PRKN: variants seen among roughly 807,000 people sequenced by gnomAD.
PRKN encodes parkin RBR E3 ubiquitin protein ligase, also known as E3 ubiquitin-protein ligase parkin.
A neutral mutation model predicts 59.5 loss-of-function variants in PRKN; 56 were observed. That is an observed-to-expected ratio of 0.94 (90% confidence interval 0.76 to 1.18). PRKN has a LOEUF of 1.18. Ranked by LOEUF, PRKN falls within the 50% of genes most tolerant of loss-of-function variation. The pLI is 0.00. For synonymous variants in PRKN, 250 were observed against 222.1 expected, an observed-to-expected ratio of 1.13 and a Z score of -1.12; for missense variants, 657 against 596.4, an observed-to-expected ratio of 1.10 and a Z score of -1.06.
At position 161,689,185 on chromosome 6, in the gene PRKN, TACACACACACACACACACACAC is replaced by T. The variant is rs34193135; in HGVS notation, c.871+96565_871+96586del. Among the ~76,000 whole-genome samples, 21 of 144,294 alleles carry T rather than the reference TACACACACACACACACACACAC, an allele frequency of 1.5e-4. 1 individual carries two copies. The highest frequency in any genetic ancestry group is 3.9e-4 in the African/African-American group (15 of 38,860). The allele number at this position is 144,294 out of a possible 152,430, so 94.7% of individuals were successfully genotyped here. A position where few individuals can be genotyped will look rare whatever the true frequency, so the allele number is the denominator to read the frequency against. Reference sequence around the variant, plus strand: ...TTGCATCAAAGAGAGAATTAAATTGTACACACACACACACACACACACACACACACACACACACACACACACA... The same window carrying T: ...TTGCATCAAAGAGAGAATTAAATTGTACACACACACACACACACACACACA... On this transcript the variant is annotated intron_variant, in intron 7 of 11. Coordinates refer to ENST00000366898, the MANE Select transcript of PRKN (RefSeq NM_004562.3).
At chr6:162,568,869 A>G (rs1307530184) in intron 1 of PRKN, 2 of 708,412 alleles carry the variant, frequency 2.8e-6, no homozygotes, top group Non-Finnish European at 5.2e-6. Flanking sequence ...CAATAAGTGT[A>G]CAGAGATGGA....
intron 2 of PRKN, among the ~76,000 whole-genome samples, chr6:162,388,826 C>T (rs1786993949): frequency 6.6e-6 from 1 of 152,092 alleles, no homozygotes; most frequent in Non-Finnish European, 1.5e-5. Flanking sequence ...ACAGAACAGA[C>T]TCAGCCCAAA....
chr6:161,438,420 G>A (rs1167078524), intron 9 of PRKN, among the ~76,000 whole-genome samples: 1 of 151,878 alleles, frequency 6.6e-6, no homozygotes, highest in Non-Finnish European at 1.5e-5. Flanking sequence ...GTTTCACCAT[G>A]TTGGCCAAGA....
chr6:161,739,891 A>G (rs972584347), intron 7 of PRKN, among the ~76,000 whole-genome samples: 1 of 152,062 alleles, frequency 6.6e-6, no homozygotes, highest in Non-Finnish European at 1.5e-5. Flanking sequence ...AGTAGCTGAG[A>G]TTACAGGTGC....
intron 7 of PRKN, among the ~76,000 whole-genome samples, chr6:161,693,558 G>T (rs1785892861): frequency 6.6e-6 from 1 of 152,066 alleles, no homozygotes; most frequent in African/African-American, 2.4e-5. Flanking sequence ...CCATAGCTCT[G>T]GGGTTCAAAA....
At chr6:162,155,255 C>T (rs1409907851) in intron 4 of PRKN, among the ~76,000 whole-genome samples, 1 of 152,150 alleles carries the variant, frequency 6.6e-6, no homozygotes, top group African/African-American at 2.4e-5. Flanking sequence ...AGTTCTTAGT[C>T]AGCACATATC....
intron 1 of PRKN, among the ~76,000 whole-genome samples, chr6:162,531,994 G>C (rs1778535038): frequency 6.6e-6 from 1 of 151,198 alleles, no homozygotes; most frequent in Admixed American, 6.6e-5. Context: ...TTTGGCCACA[G>C]TGTTGTAAAC....
chr6:161,539,072 G>A (rs1008107831), intron 9 of PRKN, among the ~76,000 whole-genome samples: 16 of 152,208 alleles, frequency 1.1e-4, no homozygotes, highest in African/African-American at 3.9e-4. Flanking sequence ...CCCCCAAGGG[G>A]CACTAGCTGA....
At chr6:162,580,265 T>C (rs967528277) in intron 1 of PRKN, among the ~76,000 whole-genome samples, 1 of 151,970 alleles carries the variant, frequency 6.6e-6, no homozygotes, top group Non-Finnish European at 1.5e-5. Flanking sequence ...TGCGGAACCC[T>C]ATCTCTACCA....
intron 4 of PRKN, among the ~76,000 whole-genome samples, chr6:162,157,965 G>C (rs1583122328): frequency 6.6e-6 from 1 of 151,902 alleles, no homozygotes; most frequent in Non-Finnish European, 1.5e-5. Flanking sequence ...TTTAATATCT[G>C]AATTCATATT....
Position 161,410,220 on chromosome 6 carries a change from T to C in PRKN, c.1084-23343A>G, listed in dbSNP as rs898986758. ...CCAGGAATCTGAAGGAGAGTGAACA[T>C]GAGTGAGAGTACGAGCATGTCTCAG... On this transcript the variant is annotated intron_variant, in intron 9 of 11. Transcript: ENST00000366898. The surrounding 1 kb of genome is among the most constrained non-coding windows in gnomAD (Gnocchi z 5.3). Among the ~76,000 whole-genome samples the C allele has an allele frequency of 1.3e-5, 2 of 152,096 alleles. No homozygotes were observed. Among genetic ancestry groups the C allele is most frequent in the African/African-American group, 4.8e-5 (2 of 41,394 alleles).
chr6:161,769,406 G>A (rs1264973319), intron 7 of PRKN, among the ~76,000 whole-genome samples: 1 of 152,104 alleles, frequency 6.6e-6, no homozygotes, highest in African/African-American at 2.4e-5. Context: ...CAATGAATTG[G>A]CACCATCTGA....
intron 5 of PRKN, among the ~76,000 whole-genome samples, chr6:162,029,194 C>CCCA (rs1453916468): frequency 2.0e-5 from 3 of 152,088 alleles, no homozygotes; most frequent in Non-Finnish European, 4.4e-5. Context: ...CACCTCCACC[C>CCCA]CCACACATGA....
intron 7 of PRKN, among the ~76,000 whole-genome samples, chr6:161,733,979 C>T (rs1340868349): frequency 7.1e-6 from 1 of 141,102 alleles, no homozygotes; most frequent in East Asian, 2.0e-4. Flanking sequence ...CACACACACA[C>T]ACACACACAC....
chr6:161,708,282 T>G (rs909589002), intron 7 of PRKN, among the ~76,000 whole-genome samples: 4 of 152,162 alleles, frequency 2.6e-5, no homozygotes, highest in Non-Finnish European at 5.9e-5. Context: ...TAGGGAACAT[T>G]TATTTTATAA....
At chr6:162,136,358 A>G (rs1431926632) in intron 4 of PRKN, among the ~76,000 whole-genome samples, 5 of 152,108 alleles carry the variant, frequency 3.3e-5, no homozygotes, top group Non-Finnish European at 1.5e-5. Flanking sequence ...AGTAATACAT[A>G]TGCAAGTATT....
intron 2 of PRKN, among the ~76,000 whole-genome samples, chr6:162,266,736 T>C (rs1780155458): frequency 6.6e-6 from 1 of 152,156 alleles, no homozygotes; most frequent in South Asian, 2.1e-4. Flanking sequence ...GTTTTGAAGA[T>C]TTAAGGAAAT....
At chr6:162,586,768 G>A (rs1173126550) in intron 1 of PRKN, among the ~76,000 whole-genome samples, 3 of 152,192 alleles carry the variant, frequency 2.0e-5, no homozygotes, top group Non-Finnish European at 4.4e-5. Context: ...GAAGGACACA[G>A]AAAAAGAGAG....
In PRKN at chr6:162,044,003, G is replaced by A. The variant is rs9364636; in HGVS notation, c.618+10088C>T. On this transcript the variant is annotated intron_variant, in intron 5 of 11. Coordinates refer to ENST00000366898, the MANE Select transcript of PRKN (RefSeq NM_004562.3). ...GTGGCACTTCTACCCAGTTCTAAAC[G>A]AACATCTCATTTGTATGTTGTGTTC... 0.044 allele frequency among the ~76,000 whole-genome samples: 6,668 copies of A among 152,202 alleles called. 858 individuals are homozygous for A. In the East Asian group the frequency reaches 0.54, roughly 12 times the overall value.
Sources: allele counts gnomAD v4.1 joint callset (sites outside exome capture counted in the v4.1 genomes callset), GRCh38; gene constraint gnomAD v4.1.1; non-coding constraint Gnocchi (gnomAD v3.1); transcripts MANE v1.5; gene names NCBI Gene and HGNC (gene_info 2026-07-23, HGNC 2026-07-21).